The following SPOCK1 variants were observed in gnomAD, a reference collection of about 807,000 sequenced individuals.
The protein encoded by SPOCK1 is testican-1.
A neutral mutation model predicts 55.3 loss-of-function variants in SPOCK1; 23 were observed. The ratio of observed to expected loss-of-function variants is 0.42; its 90% CI spans 0.30 to 0.59. The LOEUF (loss-of-function observed/expected upper bound fraction) is 0.59, where lower values mean the gene tolerates loss of function less well. Among genes scored for constraint, SPOCK1 ranks in the 20% least tolerant of loss-of-function variants. SPOCK1 has a pLI of 0.22. For synonymous variants in SPOCK1, 226 were observed against 221.0 expected (o/e 1.02, Z -0.20); for missense variants, 499 against 552.5 (o/e 0.90, Z 0.97).
chr5:137,444,847 C>T (rs1753089514), intron 2 of SPOCK1, among the ~76,000 whole-genome samples: 1 of 152,202 alleles, frequency 6.6e-6, no homozygotes, highest in South Asian at 2.1e-4. Flanking sequence ...TGTTCAGCCT[C>T]CTGGCAGATA....
intron 2 of SPOCK1, among the ~76,000 whole-genome samples, chr5:137,333,168 A>G (rs1016213708): frequency 6.6e-6 from 1 of 152,240 alleles, no homozygotes; most frequent in Non-Finnish European, 1.5e-5. Context: ...TGAGCCCACC[A>G]GGCAAAAGGG....
rs563292090 is a variant in SPOCK1, at chr5:137,380,558, G to A, written c.187-113503C>T. 8.6e-4 allele frequency among the ~76,000 whole-genome samples: 131 copies of A among 152,290 alleles called. 1 individual carries two copies. The highest frequency in any genetic ancestry group is 3.4e-3 in the Middle Eastern group (1 of 294). ...TGGGCTTAACAGGAAACATGACTAG[G>A]AAGCATCAGGAAACTTAACAATCAT... is the stretch of plus-strand genomic sequence containing the variant. On this transcript the variant is annotated intron_variant, in intron 2 of 10. Coordinates refer to ENST00000394945, the MANE Select transcript of SPOCK1 (RefSeq NM_004598.4).
rs529824585 is a variant in SPOCK1 at position 136,988,454 on chromosome 5, T to C, written c.896A>G (p.Asn299Ser). Residue 299 changes from asparagine to serine, a missense_variant, in exon 8 of 11, where the codon AAT (asparagine) becomes AGT (serine). Asn to Ser is a conservative substitution (Grantham distance 46, BLOSUM62 1). Around this residue, in one of 3 missense-constraint regions of SPOCK1, gnomAD observed 386 missense variants for 400.6 expected, o/e 0.96. Transcript: ENST00000394945. ...DSFKDGKLSN[N>S]EWCYCFQKPG... is the part of the protein sequence containing the mutation. The stretch of plus-strand genomic sequence containing the variant: ...CTTCTGGAAGCAGTAGCACCACTCA[T>C]TGTTAGAAAGCTTGCCATCCTTGAA... 6.2e-7 allele frequency: 1 copy of C among 1,614,062 alleles called. No individual in the cohort carries two copies. Among genetic ancestry groups the C allele is most frequent in the South Asian group, 1.1e-5 (1 of 91,078 alleles).
chr5:137,381,617 G>T (rs184012498), intron 2 of SPOCK1, among the ~76,000 whole-genome samples: 2 of 152,346 alleles, frequency 1.3e-5, no homozygotes, highest in East Asian at 1.9e-4. Flanking sequence ...ACCCTCTGGA[G>T]CAATGGTCTG....
At chr5:137,232,418 C>T (rs760596409) in intron 3 of SPOCK1, among the ~76,000 whole-genome samples, 1 of 152,204 alleles carries the variant, frequency 6.6e-6, no homozygotes, top group Non-Finnish European at 1.5e-5. Context: ...TGTCCAGCTG[C>T]TCCCGCATCA....
intron 2 of SPOCK1, among the ~76,000 whole-genome samples, chr5:137,338,377 C>A (rs1750335507): frequency 1.3e-5 from 2 of 152,034 alleles, no homozygotes; most frequent in South Asian, 4.2e-4. Context: ...CATAGTATTC[C>A]ATGGTGTATA....
At chr5:137,089,648 T>G (rs1005934551) in intron 5 of SPOCK1, among the ~76,000 whole-genome samples, 2 of 152,158 alleles carry the variant, frequency 1.3e-5, no homozygotes, top group Non-Finnish European at 2.9e-5. Flanking sequence ...CAGATGAAAC[T>G]TTAATAAACT....
chr5:137,324,650 A>G (rs1758041691), intron 2 of SPOCK1, among the ~76,000 whole-genome samples: 1 of 152,232 alleles, frequency 6.6e-6, no homozygotes, highest in Non-Finnish European at 1.5e-5. Context: ...GCTGCTATTC[A>G]ATGAGTACAA....
rs869252723 is a variant in SPOCK1, at chr5:137,131,989, AATAT to A, written c.347+8587_347+8590del. The stretch of plus-strand genomic sequence containing the variant: ...TCCGTCTCAAAAAAAAAAAAAAAAA[AATAT>A]ATATATATATATATATATATATATA... On this transcript the variant is annotated intron_variant, in intron 4 of 10. Transcript: ENST00000394945. Among the ~76,000 whole-genome samples the A allele has an allele frequency of 7.6e-3, 271 of 35,892 alleles. 2 individuals are homozygous for A. Among genetic ancestry groups the A allele is most frequent in the Admixed American group, 8.3e-3 (18 of 2,172 alleles). 23.5% of individuals were successfully genotyped at this position (35,892 alleles called of 152,430 possible). A position where few individuals can be genotyped will look rare whatever the true frequency, so the allele number is the denominator to read the frequency against.
intron 6 of SPOCK1, among the ~76,000 whole-genome samples, chr5:137,035,709 C>A (rs1751870727): frequency 6.6e-6 from 1 of 152,188 alleles, no homozygotes; most frequent in Admixed American, 6.5e-5. Flanking sequence ...TTTGCTGGGA[C>A]TGTGCCTAAC....
rs146906718 is a variant in SPOCK1, at chr5:137,250,790, G to C, written c.232+16220C>G. Among the ~76,000 whole-genome samples, 10 of 152,338 alleles carry C rather than the reference G, an allele frequency of 6.6e-5. No individual in the cohort carries two copies. In the East Asian group the frequency reaches 1.5e-3, roughly 23 times the overall value. Reference sequence around the variant, plus strand: ...CCAGGGATATTTACTAGTCCACGAAGATCAGAGCAAACAAATGTTCCAAGC... The same window carrying C: ...CCAGGGATATTTACTAGTCCACGAACATCAGAGCAAACAAATGTTCCAAGC... On this transcript the variant is annotated intron_variant, in intron 3 of 10. Coordinates refer to ENST00000394945, the MANE Select transcript of SPOCK1 (RefSeq NM_004598.4).
chr5:137,203,247 G>A (rs1424822028), intron 3 of SPOCK1, among the ~76,000 whole-genome samples: 3 of 151,818 alleles, frequency 2.0e-5, no homozygotes, highest in Non-Finnish European at 1.5e-5. Context: ...CTTGGCCATT[G>A]GCAGTCAACA....
At chr5:137,445,680 C>T (rs545312773) in intron 2 of SPOCK1, among the ~76,000 whole-genome samples, 22 of 152,300 alleles carry the variant, frequency 1.4e-4, no homozygotes, top group Non-Finnish European at 2.6e-4. Context: ...CCTCTAATAG[C>T]CAGCTCCTTG....
rs560356875 is a variant in SPOCK1, at chr5:137,473,565, C to A, written c.186+24808G>T. ...CTCTCTATATAGTTTTGATTTTGAA[C>A]ATAAATGTTTTATATTTTCAAGAAA... On this transcript the variant is annotated intron_variant, in intron 2 of 10. Coordinates refer to ENST00000394945, the MANE Select transcript of SPOCK1 (RefSeq NM_004598.4). Among the ~76,000 whole-genome samples the A allele has an allele frequency of 9.6e-4, 146 of 152,188 alleles. 1 individual carries two copies. Among genetic ancestry groups the A allele is most frequent in the Middle Eastern group, 3.4e-3 (1 of 294 alleles).
At chr5:137,185,086 GACAA>G (rs1755040495) in intron 3 of SPOCK1, among the ~76,000 whole-genome samples, 1 of 152,152 alleles carries the variant, frequency 6.6e-6, no homozygotes, top group Non-Finnish European at 1.5e-5. Flanking sequence ...TGAATGAAAT[GACAA>G]ACAAAAGGAG....
chr5:137,018,624 G>C (rs1751498901), intron 6 of SPOCK1, among the ~76,000 whole-genome samples: 1 of 152,056 alleles, frequency 6.6e-6, no homozygotes, highest in Non-Finnish European at 1.5e-5. Flanking sequence ...AAAAACTCTA[G>C]AAGAATGCTC....
chr5:137,116,080 C>T (rs1278666443), intron 4 of SPOCK1, among the ~76,000 whole-genome samples: 1 of 152,078 alleles, frequency 6.6e-6, no homozygotes, highest in Non-Finnish European at 1.5e-5. Flanking sequence ...GCCAGCGAGC[C>T]CTAAATCCAC....
At chr5:137,455,382 G>C (rs1753342478) in intron 2 of SPOCK1, among the ~76,000 whole-genome samples, 1 of 152,138 alleles carries the variant, frequency 6.6e-6, no homozygotes, top group South Asian at 2.1e-4. Context: ...GCACACTGTA[G>C]GCACCAGGCT....
At chr5:137,153,551 G>A (rs1399581430) in intron 3 of SPOCK1, among the ~76,000 whole-genome samples, 1 of 152,064 alleles carries the variant, frequency 6.6e-6, no homozygotes, top group East Asian at 1.9e-4. Flanking sequence ...TGATAAGAAA[G>A]AAAAGAGGGG....
Sources: gnomAD v4.1 joint callset for allele counts (sites outside exome capture counted in the v4.1 genomes callset) on GRCh38, gnomAD v4.1.1 for gene constraint, gnomAD v4.1.1 regional missense constraint, MANE v1.5 for transcripts, NCBI Gene and HGNC (gene_info 2026-07-23, HGNC 2026-07-21) for gene names.